Variants in FMN2 observed in about 807,000 individuals in gnomAD.
FMN2 encodes formin 2.
In FMN2, 51 loss-of-function variants were observed where a neutral mutation model predicts 142.3. The observed-to-expected ratio is 0.36, with a 90% CI of 0.29 to 0.45. FMN2 has a LOEUF of 0.45. Among genes scored for constraint, FMN2 ranks in the 20% least tolerant of loss-of-function variants. The pLI is 1.00. For synonymous variants in FMN2, 882 were observed against 869.8 expected, an observed-to-expected ratio of 1.01 and a Z score of -0.25; for missense variants, 1,936 against 2,122.8, an observed-to-expected ratio of 0.91 and a Z score of 1.73.
chr1:240,326,641 G>A (rs1671179893), intron 8 of FMN2, among the ~76,000 whole-genome samples: 1 of 152,050 alleles, frequency 6.6e-6, no homozygotes, highest in Non-Finnish European at 1.5e-5. Flanking sequence ...GCTAGATTGA[G>A]TGTATATTAA....
intron 5 of FMN2, among the ~76,000 whole-genome samples, chr1:240,209,472 T>G (rs899972190): frequency 6.7e-6 from 1 of 149,946 alleles, no homozygotes; most frequent in Non-Finnish European, 1.5e-5. Context: ...CCAGGATGGT[T>G]TCCCATCTCC....
intron 6 of FMN2, among the ~76,000 whole-genome samples, chr1:240,219,950 T>C (rs1667044968): frequency 6.6e-6 from 1 of 152,200 alleles, no homozygotes; most frequent in African/African-American, 2.4e-5. Flanking sequence ...TGAGCCACCA[T>C]GCCCAGACAA....
chr1:240,249,750 C>T (rs937295636), intron 6 of FMN2, among the ~76,000 whole-genome samples: 7 of 152,000 alleles, frequency 4.6e-5, no homozygotes, highest in East Asian at 1.9e-4. Context: ...AATGTCTATT[C>T]GTTTCTGTCC....
At chr1:240,118,534 C>T (rs1428237154) in intron 1 of FMN2, among the ~76,000 whole-genome samples, 2 of 152,152 alleles carry the variant, frequency 1.3e-5, no homozygotes, top group Non-Finnish European at 2.9e-5. Context: ...CCTATCAGGA[C>T]TGCACAGTGA....
At chr1:240,271,705 T>G (rs1346065657) in intron 7 of FMN2, among the ~76,000 whole-genome samples, 1 of 152,064 alleles carries the variant, frequency 6.6e-6, no homozygotes, top group Non-Finnish European at 1.5e-5. Flanking sequence ...AGCCTTGTAG[T>G]GGAGAAAAGT....
chr1:240,333,526 T>G (rs1671454459), intron 11 of FMN2, among the ~76,000 whole-genome samples: 1 of 152,126 alleles, frequency 6.6e-6, no homozygotes, highest in Non-Finnish European at 1.5e-5. Context: ...ATTATTTCTT[T>G]TAATATAGTA....
At chr1:240,160,347 G>A (rs972824888) in intron 2 of FMN2, among the ~76,000 whole-genome samples, 1 of 151,430 alleles carries the variant, frequency 6.6e-6, no homozygotes, top group African/African-American at 2.4e-5. Flanking sequence ...ATGCAAGGCT[G>A]GTTTAATATT....
chr1:240,269,623 A>G (rs1015140206), intron 7 of FMN2, among the ~76,000 whole-genome samples: 4 of 151,976 alleles, frequency 2.6e-5, no homozygotes, highest in Non-Finnish European at 5.9e-5. Context: ...GAATCTGTAG[A>G]TTGCTTTAGG....
intron 15 of FMN2, among the ~76,000 whole-genome samples, chr1:240,396,303 C>CTTGT (rs71170739): frequency 0.01 from 1,469 of 142,820 alleles, 16 homozygotes; most frequent in East Asian, 0.029. Context: ...CCGAGGTTTT[C>CTTGT]GTGTGTGTGT....
chr1:240,246,844 A>C (rs927824771), intron 6 of FMN2, among the ~76,000 whole-genome samples: 1 of 152,170 alleles, frequency 6.6e-6, no homozygotes, highest in Admixed American at 6.5e-5. Flanking sequence ...TTTTCTGATT[A>C]TAAGTTCTAA....
intron 7 of FMN2, among the ~76,000 whole-genome samples, chr1:240,259,586 GTCT>G (rs1668560079): frequency 7.0e-6 from 1 of 143,858 alleles, no homozygotes; most frequent in Admixed American, 7.3e-5. Flanking sequence ...TTGGTGTATT[GTCT>G]GCAAACAGGA....
At chr1:240,279,578 T>A (rs1669328896) in intron 7 of FMN2, among the ~76,000 whole-genome samples, 1 of 152,130 alleles carries the variant, frequency 6.6e-6, no homozygotes, top group Admixed American at 6.6e-5. Flanking sequence ...GAACTTTAAT[T>A]AGAACTCAAA....
chr1:240,103,131 G>A (rs1227191005), intron 1 of FMN2, among the ~76,000 whole-genome samples: 1 of 152,138 alleles, frequency 6.6e-6, no homozygotes, highest in East Asian at 1.9e-4. Flanking sequence ...CTCCCAAAAT[G>A]CTGGGATTTC....
chr1:240,107,579 A>G (rs935411963), intron 1 of FMN2, among the ~76,000 whole-genome samples: 3 of 152,204 alleles, frequency 2.0e-5, no homozygotes, highest in African/African-American at 7.2e-5. Context: ...AATACCAGGA[A>G]ATTCATAACC....
intron 15 of FMN2, among the ~76,000 whole-genome samples, chr1:240,437,538 G>A (rs1230973946): frequency 3.9e-5 from 6 of 152,000 alleles, no homozygotes; most frequent in African/African-American, 7.2e-5. Flanking sequence ...TCCTGACCTC[G>A]TGATCCACCC....
intron 2 of FMN2, among the ~76,000 whole-genome samples, chr1:240,125,054 A>T (rs1309236331): frequency 6.6e-6 from 1 of 152,214 alleles, no homozygotes; most frequent in Admixed American, 6.5e-5. Flanking sequence ...TAGGAATAAA[A>T]TAATGATGAG....
At position 240,194,365 on chromosome 1, in the gene FMN2, T is replaced by C. The variant is rs184982160; in HGVS notation, c.1986+6103T>C. The stretch of plus-strand genomic sequence containing the variant: ...GTCAAAGATGAACAAAGTCAGACAT[T>C]AGTTAAAATGGTAAGGACAGATTTT... On this transcript the variant is annotated intron_variant, in intron 4 of 17. Coordinates refer to ENST00000319653, the MANE Select transcript of FMN2 (RefSeq NM_020066.5). 3.3e-5 allele frequency among the ~76,000 whole-genome samples: 5 copies of C among 152,324 alleles called. No individual in the cohort carries two copies. In the East Asian group the frequency reaches 7.7e-4, roughly 23 times the overall value.
chr1:240,148,943 G>T (rs1571987089), intron 2 of FMN2, among the ~76,000 whole-genome samples: 1 of 151,042 alleles, frequency 6.6e-6, no homozygotes, highest in Non-Finnish European at 1.5e-5. Flanking sequence ...CTGCACTCCA[G>T]CCTGGGTGAC....
intron 6 of FMN2, among the ~76,000 whole-genome samples, chr1:240,219,638 G>A (rs1428722515): frequency 6.6e-6 from 1 of 152,040 alleles, no homozygotes; most frequent in African/African-American, 2.4e-5. Context: ...TTTGCAAAAT[G>A]GAGGTTTTAA....
Sources: allele counts gnomAD v4.1 joint callset (sites outside exome capture counted in the v4.1 genomes callset), GRCh38; gene constraint gnomAD v4.1.1; transcripts MANE v1.5; gene names NCBI Gene and HGNC (gene_info 2026-07-23, HGNC 2026-07-21).